The following CBX3 variants were observed in gnomAD, a reference collection of about 807,000 sequenced individuals.
CBX3 encodes the protein chromobox protein homolog 3.
A neutral mutation model predicts 22.6 loss-of-function variants in CBX3; 5 were observed. The observed-to-expected ratio is 0.22, with a 90% CI of 0.12 to 0.47. The LOEUF (loss-of-function observed/expected upper bound fraction) is 0.47. Ranked by LOEUF, CBX3 falls within the 20% of genes least tolerant of loss-of-function variation. The pLI, the probability that CBX3 is intolerant of heterozygous loss-of-function variation, is 0.99. For synonymous variants in CBX3, 50 were observed against 66.6 expected (o/e 0.75, Z 1.21); for missense variants, 83 against 208.1 (o/e 0.40, Z 3.70).
chr7:26,208,186 C>T, intron 3 of CBX3: 1 of 391,468 alleles, frequency 2.6e-6, no homozygotes, highest in South Asian at 5.0e-5. Context: ...TCCACTACTG[C>T]ACTCTCGTCT....
intron 4 of CBX3, chr7:26,209,904 C>T (rs1327553905): frequency 6.6e-6 from 1 of 152,126 alleles, no homozygotes; most frequent in Non-Finnish European, 1.5e-5. Context: ...CAAGACAACT[C>T]TGTATAAGGT....
rs760099662 is a variant in CBX3, at chr7:26,212,580, TTTTG to T, written c.*374_*377del. On this transcript the variant is annotated 3_prime_UTR_variant, in exon 6 of 6. Coordinates refer to ENST00000396386, the MANE Select transcript of CBX3 (RefSeq NM_016587.4). ...GACCATTCTAGATTTATTACGTGTT[TTTTG>T]TGTGTGTGTGTGTGTGTGTGTGTGT... 0.015 allele frequency: 1,997 copies of T among 137,078 alleles called. 1 individual carries two copies. The highest frequency in any genetic ancestry group is 0.018 in the African/African-American group (609 of 33,294). The allele number at this position is 137,078 out of a possible 1,614,324, so 8.5% of individuals were successfully genotyped here.
At position 26,212,379 on chromosome 7, in the gene CBX3, A is replaced by T. The variant is rs1428828400; in HGVS notation, c.*171A>T. The T allele has an allele frequency of 6.7e-6, 2 of 297,388 alleles. No homozygotes were observed. Among genetic ancestry groups the T allele is most frequent in the African/African-American group, 4.5e-5 (2 of 44,576 alleles). 18.4% of individuals were successfully genotyped at this position (297,388 alleles called of 1,614,324 possible). On this transcript the variant is annotated 3_prime_UTR_variant, in exon 6 of 6. Transcript: ENST00000396386. Reference sequence around the variant, plus strand: ...GTTGGGGGTTTTTTGCATCCATAGCACTGGTTACTTTGAACAAATAAATAA... The same window carrying T: ...GTTGGGGGTTTTTTGCATCCATAGCTCTGGTTACTTTGAACAAATAAATAA...
At chr7:26,203,861 T>A (rs1274927893) in intron 2 of CBX3, among the ~76,000 whole-genome samples, 2 of 152,200 alleles carry the variant, frequency 1.3e-5, no homozygotes, top group African/African-American at 4.8e-5. Flanking sequence ...ATCATTAGAT[T>A]CTGCATTAAG....
At chr7:26,203,256 A>G (rs559457704) in intron 2 of CBX3, among the ~76,000 whole-genome samples, 1 of 152,358 alleles carries the variant, frequency 6.6e-6, no homozygotes, top group East Asian at 1.9e-4. Flanking sequence ...GGACAGTGCA[A>G]TGTGGATTTT....
At chr7:26,211,002 C>T (rs1171384871) in intron 4 of CBX3, among the ~76,000 whole-genome samples, 1 of 150,816 alleles carries the variant, frequency 6.6e-6, no homozygotes, top group Admixed American at 6.6e-5. Flanking sequence ...AATCTTTTGG[C>T]AGCCCTGGGC....
chr7:26,212,323 T>C lies in CBX3; in HGVS notation c.*115T>C, dbSNP rs564728658. 68 of 681,630 alleles carry C rather than the reference T, an allele frequency of 1.0e-4. No homozygotes were observed. The highest frequency in any genetic ancestry group is 1.3e-4 in the Non-Finnish European group (67 of 507,992). 42.2% of individuals were successfully genotyped at this position (681,630 alleles called of 1,614,324 possible). A position where few individuals can be genotyped will look rare whatever the true frequency, so the allele number is the denominator to read the frequency against. ...ATCCTAATGAAAATCAAGTTTGATA[T>C]GTTTGTTTTGAAAGTAGCGTTGGAA... On this transcript the variant is annotated 3_prime_UTR_variant, in exon 6 of 6. Coordinates refer to ENST00000396386, the MANE Select transcript of CBX3 (RefSeq NM_016587.4).
chr7:26,209,739 T>TA (rs1784762673), intron 4 of CBX3, among the ~76,000 whole-genome samples: 1 of 152,234 alleles, frequency 6.6e-6, no homozygotes, highest in Admixed American at 6.5e-5. Flanking sequence ...ACTTCTTACT[T>TA]ACACCCTTGA....
intron 3 of CBX3, among the ~76,000 whole-genome samples, chr7:26,206,906 G>A (rs1214666847): frequency 6.6e-6 from 1 of 152,130 alleles, no homozygotes; most frequent in Non-Finnish European, 1.5e-5. Context: ...ATATAATCTA[G>A]GCTTTATACT....
At chr7:26,211,579 A>T (rs1584041904) in intron 4 of CBX3, 83 bp from the exon 5 acceptor site, 14 of 798,336 alleles carry the variant, frequency 1.8e-5, no homozygotes, top group Non-Finnish European at 2.8e-5. Context: ...CCATCTCACT[A>T]TTGGAATGTT....
Position 26,206,449 on chromosome 7 carries a change from C to A in CBX3, c.106C>A (p.Leu36Ile). 1 of 1,613,920 alleles carries A rather than the reference C, an allele frequency of 6.2e-7. No homozygotes were observed. Residue 36 changes from leucine to isoleucine, a missense_variant, in exon 3 of 6, where the codon CTA becomes ATA. Leu to Ile is a conservative substitution (Grantham distance 5, BLOSUM62 2). Coordinates refer to ENST00000396386, the MANE Select transcript of CBX3 (RefSeq NM_016587.4). Reference sequence around the variant, plus strand: ...TGAAGAATTTGTCGTGGAAAAAGTACTAGATCGACGTGTAGTGAATGGGAA... The same window carrying A: ...TGAAGAATTTGTCGTGGAAAAAGTAATAGATCGACGTGTAGTGAATGGGAA... The part of the protein sequence containing the change: ...EPEEFVVEKV[L>I]DRRVVNGKVE...
At chr7:26,202,772 C>T (rs1301615526) in intron 1 of CBX3, 199 bp from the exon 2 acceptor site, 6 of 542,702 alleles carry the variant, frequency 1.1e-5, no homozygotes, top group Non-Finnish European at 1.9e-5. Flanking sequence ...CCAGTAAAGT[C>T]TTTCTAGACT....
intron 4 of CBX3, among the ~76,000 whole-genome samples, chr7:26,209,338 A>G (rs1157401078): frequency 6.6e-6 from 1 of 152,326 alleles, no homozygotes; most frequent in East Asian, 1.9e-4. Context: ...AATGTGCAGT[A>G]AGTGCTCATG....
Position 26,208,378 on chromosome 7 carries a change from A to G in CBX3, c.168-15A>G. The G allele has an allele frequency of 1.3e-6, 2 of 1,512,276 alleles. No individual in the cohort carries two copies. The highest frequency in any genetic ancestry group is 1.8e-6 in the Non-Finnish European group (2 of 1,121,610). The allele number at this position is 1,512,276 out of a possible 1,614,324, so 93.7% of individuals were successfully genotyped here. A position where few individuals can be genotyped will look rare whatever the true frequency, so the allele number is the denominator to read the frequency against. On this transcript the variant is annotated splice_polypyrimidine_tract_variant and intron_variant, in intron 3 of 5. Coordinates refer to ENST00000396386, the MANE Select transcript of CBX3 (RefSeq NM_016587.4). ...AATTCAATCACCTTTTTTTTTTTTAATAAACTAAACACAGTGCTGACAATA... is the reference window on the plus strand; with the variant it reads ...AATTCAATCACCTTTTTTTTTTTTAGTAAACTAAACACAGTGCTGACAATA...
Position 26,206,527 on chromosome 7 carries a change from C to T in CBX3, c.167+17C>T, listed in dbSNP as rs752332120. 61 of 1,603,652 alleles carry T rather than the reference C, an allele frequency of 3.8e-5. No individual in the cohort carries two copies. Among genetic ancestry groups the T allele is most frequent in the Non-Finnish European group, 4.6e-5 (54 of 1,174,592 alleles). On this transcript the variant is annotated intron_variant, in intron 3 of 5. Transcript: ENST00000396386. Reference sequence around the variant, plus strand: ...ATTTACAGAGTAAGAAACTTTAGTGCATCTTTACTATATGTTTAACTGCAG... The same window carrying T: ...ATTTACAGAGTAAGAAACTTTAGTGTATCTTTACTATATGTTTAACTGCAG...
chr7:26,212,721 AAG>A lies in CBX3; in HGVS notation c.*517_*518del, dbSNP rs1290440828. 6.6e-6 allele frequency: 1 copy of A among 152,260 alleles called. No individual in the cohort carries two copies. The highest frequency in any genetic ancestry group is 6.5e-5 in the Admixed American group (1 of 15,288). 9.4% of individuals were successfully genotyped at this position (152,260 alleles called of 1,614,324 possible). ...GAGATGCCATTATTCCAAGCAAAAT[AAG>A]AGATAATCCCTTCAAGTTAAATTGA... On this transcript the variant is annotated 3_prime_UTR_variant, in exon 6 of 6. Transcript: ENST00000396386.
chr7:26,206,515 G>A lies in CBX3; in HGVS notation c.167+5G>A, dbSNP rs1784680255. 6.2e-7 allele frequency: 1 copy of A among 1,612,810 alleles called. No individual in the cohort carries two copies. Among genetic ancestry groups the A allele is most frequent in the Non-Finnish European group, 8.5e-7 (1 of 1,179,464 alleles). ...GAAGTGGAAGGGATTTACAGAGTAA[G>A]AAACTTTAGTGCATCTTTACTATAT... On this transcript the variant is annotated splice_donor_5th_base_variant and intron_variant, in intron 3 of 5. Transcript: ENST00000396386.
At chr7:26,210,936 G>C (rs1407467126) in intron 4 of CBX3, among the ~76,000 whole-genome samples, 3 of 152,102 alleles carry the variant, frequency 2.0e-5, no homozygotes, top group Non-Finnish European at 4.4e-5. Flanking sequence ...TGAATCCGTA[G>C]ACCACATTTT....
Position 26,211,769 on chromosome 7 carries a change from AG to A in CBX3, c.425+14del. 6.5e-7 allele frequency: 1 copy of A among 1,531,768 alleles called. No individual in the cohort carries two copies. Among genetic ancestry groups the A allele is most frequent in the Admixed American group, 2.0e-5 (1 of 50,240 alleles). 94.9% of individuals were successfully genotyped at this position (1,531,768 alleles called of 1,614,324 possible). A position where few individuals can be genotyped will look rare whatever the true frequency, so the allele number is the denominator to read the frequency against. ...TTCTCATGAAATGGTGAGTATGCAG[AG>A]ATTGTTACATTTGAAAGTAAGAGTA... is the stretch of plus-strand genomic sequence containing the variant. On this transcript the variant is annotated intron_variant, in intron 5 of 5. Transcript: ENST00000396386.
Sources: allele counts gnomAD v4.1 joint callset (sites outside exome capture counted in the v4.1 genomes callset), GRCh38; gene constraint gnomAD v4.1.1; transcripts MANE v1.5; gene names NCBI Gene and HGNC (gene_info 2026-07-23, HGNC 2026-07-21).